NFIX: variants seen among roughly 807,000 people sequenced by gnomAD.
NFIX encodes the protein nuclear factor 1 X-type.
In NFIX, 2 loss-of-function variants were observed where a neutral mutation model predicts 53.3. The observed-to-expected ratio is 0.04, with a 90% CI of 0.02 to 0.12. The LOEUF is 0.12. NFIX is among the 10% of genes least tolerant of loss of function. The pLI is 1.00. For synonymous variants in NFIX, 244 were observed against 289.0 expected (o/e 0.84, Z 1.58); for missense variants, 310 against 674.5 (o/e 0.46, Z 5.99).
chr19:13,000,942 G>A (rs2011658957), intron 1 of NFIX, among the ~76,000 whole-genome samples: 1 of 152,188 alleles, frequency 6.6e-6, no homozygotes, highest in Admixed American at 6.5e-5. Flanking sequence ...CTAACCCACA[G>A]GGAGCCTGGC....
rs1054577475 is a variant in NFIX, at chr19:12,998,185, C to G, written c.27+2321C>G. 6.6e-6 allele frequency among the ~76,000 whole-genome samples: 1 copy of G among 152,156 alleles called. No homozygotes were observed. The highest frequency in any genetic ancestry group is 1.5e-5 in the Non-Finnish European group (1 of 68,038). ...GTGTATTCTGCCCTTTTCCATCTCTCTTTCTCCATCTCTGTCCTTTTGTAT... is the reference window on the plus strand; with the variant it reads ...GTGTATTCTGCCCTTTTCCATCTCTGTTTCTCCATCTCTGTCCTTTTGTAT... On this transcript the variant is annotated intron_variant, in intron 1 of 10. Coordinates refer to ENST00000592199, the MANE Select transcript of NFIX (RefSeq NM_001365902.3). The surrounding 1 kb of genome is among the most constrained non-coding windows in gnomAD (Gnocchi z 4.4).
rs1020836646 is a variant in NFIX, at chr19:13,051,853, G to C, written c.560-21194G>C. Among the ~76,000 whole-genome samples, 1 of 152,200 alleles carries C rather than the reference G, an allele frequency of 6.6e-6. No individual in the cohort carries two copies. Among genetic ancestry groups the C allele is most frequent in the African/African-American group, 2.4e-5 (1 of 41,460 alleles). On this transcript the variant is annotated intron_variant, in intron 2 of 10. Coordinates refer to ENST00000592199, the MANE Select transcript of NFIX (RefSeq NM_001365902.3). The surrounding 1 kb of genome is among the most constrained non-coding windows in gnomAD (Gnocchi z 5.1). ...CTGCCGCCTTAGCAGGTGCCTGGAGGGGGCGGGGCGGCTCCCGGGAGCAGC... is the reference window on the plus strand; with the variant it reads ...CTGCCGCCTTAGCAGGTGCCTGGAGCGGGCGGGGCGGCTCCCGGGAGCAGC...
rs1386409530 is a variant in NFIX, at chr19:13,045,834, C to T, written c.559+20282C>T. On this transcript the variant is annotated intron_variant, in intron 2 of 10. Coordinates refer to ENST00000592199, the MANE Select transcript of NFIX (RefSeq NM_001365902.3). The surrounding 1 kb of genome is among the most constrained non-coding windows in gnomAD (Gnocchi z 4.4). ...TTGCTCTTGCCCACCTCTCCATGTC[C>T]TCGTTGCCGACTGAGGCACCTGGGA... Among the ~76,000 whole-genome samples the T allele has an allele frequency of 6.6e-6, 1 of 152,230 alleles. No homozygotes were observed. Among genetic ancestry groups the T allele is most frequent in the Non-Finnish European group, 1.5e-5 (1 of 68,040 alleles).
chr19:13,012,822 GCGT>G lies in NFIX; in HGVS notation c.28-12194_28-12192del, dbSNP rs1296922511. ...AGGATCTCTCCGCGTCGCATAGTGAGCGTCGTCATCTCTAGACTACCCCGGTTT... is the reference window on the plus strand; with the variant it reads ...AGGATCTCTCCGCGTCGCATAGTGAGCGTCATCTCTAGACTACCCCGGTTT... On this transcript the variant is annotated intron_variant, in intron 1 of 10. Coordinates refer to ENST00000592199, the MANE Select transcript of NFIX (RefSeq NM_001365902.3). The surrounding 1 kb of genome is among the most constrained non-coding windows in gnomAD (Gnocchi z 5.0). Among the ~76,000 whole-genome samples the G allele has an allele frequency of 6.6e-6, 1 of 152,176 alleles. No homozygotes were observed. The highest frequency in any genetic ancestry group is 1.5e-5 in the Non-Finnish European group (1 of 68,026).
rs369962825 is a variant in NFIX at position 13,060,627 on chromosome 19, G to C, written c.560-12420G>C. 3.9e-5 allele frequency among the ~76,000 whole-genome samples: 6 copies of C among 152,192 alleles called. No individual in the cohort carries two copies. The highest frequency in any genetic ancestry group is 7.2e-5 in the African/African-American group (3 of 41,436). ...GTGACCCTTGGTGCCTGGCAAGGCG[G>C]GGGGGTAGGGAGCAGCCCTCGCACA... On this transcript the variant is annotated intron_variant, in intron 2 of 10. Coordinates refer to ENST00000592199, the MANE Select transcript of NFIX (RefSeq NM_001365902.3). This position sits in a 1 kb window ranked among gnomAD's most constrained non-coding sequence, Gnocchi z 4.3.
At chr19:13,047,267 T>C (rs2015051069) in intron 2 of NFIX, among the ~76,000 whole-genome samples, 2 of 152,108 alleles carry the variant, frequency 1.3e-5, no homozygotes. Context: ...GACGCCTTGT[T>C]GCTTTAGATG....
intron 2 of NFIX, chr19:13,069,906 T>C (rs1208062858): frequency 6.6e-6 from 1 of 152,252 alleles, no homozygotes; most frequent in Non-Finnish European, 1.5e-5. Flanking sequence ...AGGGGCATCC[T>C]AAAGGGGCCT....
chr19:13,088,234 C>G lies in NFIX; in HGVS notation c.1402+98C>G. 7.2e-7 allele frequency: 1 copy of G among 1,384,722 alleles called. No homozygotes were observed. Among genetic ancestry groups the G allele is most frequent in the Non-Finnish European group, 9.7e-7 (1 of 1,028,486 alleles). 85.8% of individuals were successfully genotyped at this position (1,384,722 alleles called of 1,614,324 possible). ...AGAAAAGCCTTCCCCCTCCCCACCA[C>G]CAAAGCCCCCCAACCCAGAGCACCA... On this transcript the variant is annotated intron_variant, in intron 9 of 10. Coordinates refer to ENST00000592199, the MANE Select transcript of NFIX (RefSeq NM_001365902.3). This position sits in a 1 kb window ranked among gnomAD's most constrained non-coding sequence, Gnocchi z 5.9.
In NFIX at chr19:13,002,961, C is replaced by G. The variant is rs1056028965; in HGVS notation, c.27+7097C>G. 6.6e-6 allele frequency among the ~76,000 whole-genome samples: 1 copy of G among 152,158 alleles called. No homozygotes were observed. The highest frequency in any genetic ancestry group is 2.4e-5 in the African/African-American group (1 of 41,428). On this transcript the variant is annotated intron_variant, in intron 1 of 10. Transcript: ENST00000592199. The surrounding 1 kb of genome is among the most constrained non-coding windows in gnomAD (Gnocchi z 6.1). ...CCCACCTGAATCTGTGTGAGCCAAG[C>G]TGGAGGAAAGGACAGCATGGAGGTG...
At position 13,052,749 on chromosome 19, in the gene NFIX, C is replaced by T. The variant is rs1245962986; in HGVS notation, c.560-20298C>T. On this transcript the variant is annotated intron_variant, in intron 2 of 10. Transcript: ENST00000592199. The surrounding 1 kb of genome is among the most constrained non-coding windows in gnomAD (Gnocchi z 5.2). ...TGCTTCTGTGCTTCTTGGAACGGCT[C>T]GGCTCCAGGGCCGTGAGGTTGGCAC... Among the ~76,000 whole-genome samples the T allele has an allele frequency of 2.4e-5, 3 of 123,532 alleles. No individual in the cohort carries two copies. The highest frequency in any genetic ancestry group is 2.2e-4 in the South Asian group (1 of 4,530). 81.0% of individuals were successfully genotyped at this position (123,532 alleles called of 152,430 possible).
chr19:13,055,873 C>T (rs910431727), intron 2 of NFIX, among the ~76,000 whole-genome samples: 3 of 152,192 alleles, frequency 2.0e-5, no homozygotes, highest in Non-Finnish European at 4.4e-5. Context: ...TCACCTCGCG[C>T]CTCCCTGGCC....
rs560421356 is a variant in NFIX, at chr19:13,022,266, C to T, written c.28-2755C>T. Among the ~76,000 whole-genome samples the T allele has an allele frequency of 2.0e-5, 3 of 152,060 alleles. No individual in the cohort carries two copies. Among genetic ancestry groups the T allele is most frequent in the Non-Finnish European group, 4.4e-5 (3 of 68,028 alleles). ...CAGTTTCTCGAGCCGAGCTGTGTTGCGTTGGCATCCCTCGTCACCGCTAAT... is the reference window on the plus strand; with the variant it reads ...CAGTTTCTCGAGCCGAGCTGTGTTGTGTTGGCATCCCTCGTCACCGCTAAT... On this transcript the variant is annotated intron_variant, in intron 1 of 10. Transcript: ENST00000592199. This position sits in a 1 kb window ranked among gnomAD's most constrained non-coding sequence, Gnocchi z 4.5.
rs2011445466 is a variant in NFIX at position 12,995,873 on chromosome 19, C to T, written c.27+9C>T. 7.1e-6 allele frequency: 7 copies of T among 980,396 alleles called. No individual in the cohort carries two copies. The highest frequency in any genetic ancestry group is 8.5e-6 in the Non-Finnish European group (7 of 828,094). 60.7% of individuals were successfully genotyped at this position (980,396 alleles called of 1,614,324 possible). A position where few individuals can be genotyped will look rare whatever the true frequency, so the allele number is the denominator to read the frequency against. On this transcript the variant is annotated intron_variant, in intron 1 of 10. Coordinates refer to ENST00000592199, the MANE Select transcript of NFIX (RefSeq NM_001365902.3). The stretch of plus-strand genomic sequence containing the variant: ...CGTACTGCCTCACCCAGGTACCGGC[C>T]GCCGCCCCCGCGCGACCGGGGGAGG...
chr19:13,074,340 TG>T (rs1407562765), intron 5 of NFIX, among the ~76,000 whole-genome samples: 1 of 151,452 alleles, frequency 6.6e-6, no homozygotes, highest in Non-Finnish European at 1.5e-5. Flanking sequence ...AGGGGGTTGT[TG>T]GGGGGTATGG....
intron 1 of NFIX, among the ~76,000 whole-genome samples, chr19:13,004,832 T>C (rs2011926077): frequency 6.6e-6 from 1 of 151,722 alleles, no homozygotes; most frequent in African/African-American, 2.4e-5. Flanking sequence ...TTTTTTTTTT[T>C]TTTTTAAACA....
At chr19:13,015,685 C>G (rs566432265) in intron 1 of NFIX, among the ~76,000 whole-genome samples, 14 of 152,142 alleles carry the variant, frequency 9.2e-5, no homozygotes, top group Non-Finnish European at 1.8e-4. Flanking sequence ...GCTTTCAGCT[C>G]GGCGGGTCCT....
chr19:13,034,939 G>T (rs920711612), intron 2 of NFIX, among the ~76,000 whole-genome samples: 1 of 152,096 alleles, frequency 6.6e-6, no homozygotes, highest in African/African-American at 2.4e-5. Context: ...GTTGACATTC[G>T]AGTGAGATCA....
rs753406691 is a variant in NFIX at position 13,074,012 on chromosome 19, C to G, written c.804C>G (p.Ser268=). 7 of 1,614,022 alleles carry G rather than the reference C, an allele frequency of 4.3e-6. No homozygotes were observed. The highest frequency in any genetic ancestry group is 4.2e-6 in the Non-Finnish European group (5 of 1,179,884). ...QVTLGRRSIT[S]PPSTSTTKRP... Reference sequence around the variant, plus strand: ...CCCTGGGGCGGCGGTCCATCACCTCCCCTCCTTCCACCAGGTAAGCCCAGT... The same window carrying G: ...CCCTGGGGCGGCGGTCCATCACCTCGCCTCCTTCCACCAGGTAAGCCCAGT... Residue 268 remains serine (S), a synonymous_variant, in exon 5 of 11, where the codon TCC becomes TCG. Coordinates refer to ENST00000592199, the MANE Select transcript of NFIX (RefSeq NM_001365902.3).
chr19:13,087,608 C>T (rs992741927), intron 8 of NFIX, among the ~76,000 whole-genome samples: 2 of 151,976 alleles, frequency 1.3e-5, no homozygotes, highest in East Asian at 1.9e-4. Context: ...TGAGCGCGCT[C>T]ATCTTTCCTG....
Sources: gnomAD v4.1 joint callset for allele counts (sites outside exome capture counted in the v4.1 genomes callset) on GRCh38, gnomAD v4.1.1 for gene constraint, Gnocchi (gnomAD v3.1) non-coding constraint, MANE v1.5 for transcripts, NCBI Gene and HGNC (gene_info 2026-07-23, HGNC 2026-07-21) for gene names.